Variants in CNTN6 observed in about 807,000 individuals in gnomAD.
The protein encoded by CNTN6 is contactin 6, also known as contactin-6.
Under a neutral mutation model 122.8 loss-of-function variants are expected in CNTN6, and 137 were observed. That is an observed-to-expected ratio of 1.12 (90% CI 0.97 to 1.29). CNTN6 has a LOEUF of 1.29. CNTN6 is among the 50% of genes most tolerant of loss of function. CNTN6 has a pLI of 0.00. For missense variants in CNTN6, 1,634 were observed against 1,223.4 expected (o/e 1.34, Z -5.01); for synonymous variants, 570 against 426.0 (o/e 1.34, Z -4.16).
At chr3:1,177,911 T>C (rs1176555510) in intron 2 of CNTN6, among the ~76,000 whole-genome samples, 1 of 151,234 alleles carries the variant, frequency 6.6e-6, no homozygotes, top group African/African-American at 2.4e-5. Flanking sequence ...TTTTTTTTTT[T>C]TTTCTTTGAG....
intron 4 of CNTN6, among the ~76,000 whole-genome samples, chr3:1,276,908 C>A (rs1343575902): frequency 6.6e-6 from 1 of 152,200 alleles, no homozygotes; most frequent in African/African-American, 2.4e-5. Context: ...CTTTTGCATT[C>A]AGCAAGTGGC....
At chr3:1,118,257 A>C (rs1559345819) in intron 1 of CNTN6, among the ~76,000 whole-genome samples, 1 of 152,180 alleles carries the variant, frequency 6.6e-6, no homozygotes, top group Admixed American at 6.6e-5. Context: ...GGACTCGGTG[A>C]CTCACTGAAC....
At chr3:1,353,164 T>C (rs545977614) in intron 12 of CNTN6, among the ~76,000 whole-genome samples, 1 of 151,674 alleles carries the variant, frequency 6.6e-6, no homozygotes, top group Non-Finnish European at 1.5e-5. Flanking sequence ...AACTAGTGTG[T>C]TTACTGGAAG....
intron 4 of CNTN6, among the ~76,000 whole-genome samples, chr3:1,245,468 A>G (rs1382112213): frequency 6.7e-6 from 1 of 148,570 alleles, no homozygotes; most frequent in Non-Finnish European, 1.5e-5. Flanking sequence ...GTTCTTATTC[A>G]TATGTGGGAG....
rs866946449 is a variant in CNTN6, at chr3:1,234,861, G to A, written c.358+6868G>A. Among the ~76,000 whole-genome samples, 9 of 152,220 alleles carry A rather than the reference G, an allele frequency of 5.9e-5. No individual in the cohort carries two copies. In the South Asian group the frequency reaches 8.3e-4, roughly 14 times the overall value. On this transcript the variant is annotated intron_variant, in intron 4 of 22. Transcript: ENST00000446702. ...CTCAATTTGTCTTAATGAAATAACAGCATAACCACCAATTGTTATCATATC... is the reference window on the plus strand; with the variant it reads ...CTCAATTTGTCTTAATGAAATAACAACATAACCACCAATTGTTATCATATC...
chr3:1,339,030 C>T (rs1035321000), intron 11 of CNTN6, among the ~76,000 whole-genome samples: 7 of 151,898 alleles, frequency 4.6e-5, no homozygotes, highest in African/African-American at 1.5e-4. Context: ...CTCATTAAAA[C>T]CTTCCAAACA....
At chr3:1,384,344 G>A (rs1007664702) in intron 19 of CNTN6, among the ~76,000 whole-genome samples, 3 of 147,262 alleles carry the variant, frequency 2.0e-5, no homozygotes, top group African/African-American at 8.1e-5. Flanking sequence ...TTACACCATG[G>A]AAGAATTTCA....
chr3:1,116,022 C>T (rs879602102), intron 1 of CNTN6, among the ~76,000 whole-genome samples: 5 of 152,098 alleles, frequency 3.3e-5, no homozygotes, highest in Non-Finnish European at 7.4e-5. Context: ...CATAGTGATA[C>T]AGAGGACACC....
At position 1,383,450 on chromosome 3, in the gene CNTN6, T is replaced by C. The variant is rs767565969; in HGVS notation, c.2517+42T>C. 23 of 1,470,922 alleles carry C rather than the reference T, an allele frequency of 1.6e-5. No homozygotes were observed. In the African/African-American group the frequency reaches 2.9e-4, roughly 19 times the overall value. The allele number at this position is 1,470,922 out of a possible 1,614,324, so 91.1% of individuals were successfully genotyped here. On this transcript the variant is annotated intron_variant, in intron 19 of 22. Coordinates refer to ENST00000446702, the MANE Select transcript of CNTN6 (RefSeq NM_001289080.2). Reference sequence around the variant, plus strand: ...TCACTTTTGCTTATGAATGTGCCAATGGACTTCGCAATAGCTCCTATTCAA... The same window carrying C: ...TCACTTTTGCTTATGAATGTGCCAACGGACTTCGCAATAGCTCCTATTCAA...
chr3:1,202,795 T>C (rs1004486111), intron 2 of CNTN6, among the ~76,000 whole-genome samples: 3 of 152,138 alleles, frequency 2.0e-5, no homozygotes, highest in Non-Finnish European at 4.4e-5. Context: ...ATATTGAGTA[T>C]GAGTCTGAAA....
intron 11 of CNTN6, among the ~76,000 whole-genome samples, chr3:1,332,870 C>T (rs538770025): frequency 6.6e-6 from 1 of 152,090 alleles, no homozygotes; most frequent in South Asian, 2.1e-4. Context: ...GATCAGAACC[C>T]CCTCTTCTTT....
intron 2 of CNTN6, among the ~76,000 whole-genome samples, chr3:1,215,811 T>C (rs7613964): frequency 0.73 from 110,442 of 151,894 alleles, 41,775 homozygotes; most frequent in African/African-American, 0.93. Flanking sequence ...ATTTTTTGAA[T>C]TTTATTTTTA....
At chr3:1,112,985 C>A (rs186064677) in intron 1 of CNTN6, among the ~76,000 whole-genome samples, 80 of 152,152 alleles carry the variant, frequency 5.3e-4, no homozygotes, top group African/African-American at 1.9e-3. Flanking sequence ...AATGGAGCCC[C>A]CACTAATTAC....
intron 1 of CNTN6, among the ~76,000 whole-genome samples, chr3:1,125,966 T>C (rs2092144340): frequency 6.6e-6 from 1 of 151,900 alleles, no homozygotes; most frequent in Admixed American, 6.6e-5. Flanking sequence ...TTTGGATTTA[T>C]ATTTCACAGG....
intron 17 of CNTN6, among the ~76,000 whole-genome samples, chr3:1,379,312 AT>A (rs1710324127): frequency 6.6e-6 from 1 of 152,166 alleles, no homozygotes; most frequent in African/African-American, 2.4e-5. Context: ...CCATAGCTAC[AT>A]CCATTAATGT....
chr3:1,110,982 G>A (rs1419922023), intron 1 of CNTN6, among the ~76,000 whole-genome samples: 1 of 152,160 alleles, frequency 6.6e-6, no homozygotes, highest in African/African-American at 2.4e-5. Context: ...TGATTGGCCA[G>A]AGACATACAC....
chr3:1,210,452 G>C (rs1210016899), intron 2 of CNTN6, among the ~76,000 whole-genome samples: 1 of 147,758 alleles, frequency 6.8e-6, no homozygotes, highest in Non-Finnish European at 1.5e-5. Context: ...ACTCTTTATA[G>C]AACCTGCATT....
At position 1,316,370 on chromosome 3, in the gene CNTN6, G is replaced by A. The variant is rs536386304; in HGVS notation, c.762-5280G>A. 3.3e-5 allele frequency among the ~76,000 whole-genome samples: 5 copies of A among 151,958 alleles called. No homozygotes were observed. The South Asian group carries it at 1.0e-3, about 32-fold the overall frequency. On this transcript the variant is annotated intron_variant, in intron 7 of 22. Transcript: ENST00000446702. ...AATCATGGTAGAAAGTGAAGGGGAA[G>A]CAGGCATGTCCTACATGGCTGGAGC...
chr3:1,300,221 C>A (rs114715903), intron 7 of CNTN6, among the ~76,000 whole-genome samples: 2 of 152,060 alleles, frequency 1.3e-5, no homozygotes, highest in African/African-American at 2.4e-5. Flanking sequence ...CTGCTGACCT[C>A]GTGATCCGCC....
Sources: gnomAD v4.1 joint callset for allele counts (sites outside exome capture counted in the v4.1 genomes callset) on GRCh38, gnomAD v4.1.1 for gene constraint, MANE v1.5 for transcripts, NCBI Gene and HGNC (gene_info 2026-07-23, HGNC 2026-07-21) for gene names.